The following ARHGEF10L variants were observed in gnomAD, a reference collection of about 807,000 sequenced individuals.
ARHGEF10L encodes Rho guanine nucleotide exchange factor 10 like, also known as rho guanine nucleotide exchange factor 10-like protein.
A neutral mutation model predicts 141.2 loss-of-function variants in ARHGEF10L; 69 were observed. The ratio of observed to expected loss-of-function variants is 0.49; its 90% CI spans 0.40 to 0.60. ARHGEF10L has a LOEUF of 0.60. ARHGEF10L is among the 20% of genes least tolerant of loss of function. ARHGEF10L has a pLI of 0.00. For missense variants in ARHGEF10L, 1,482 were observed against 1,734.3 expected, an observed-to-expected ratio of 0.85 and a Z score of 2.58; for synonymous variants, 711 against 718.5, an observed-to-expected ratio of 0.99 and a Z score of 0.17.
At position 17,621,208 on chromosome 1, in the gene ARHGEF10L, G is replaced by T. The variant is rs1448498671; in HGVS notation, c.943-656G>T. Among the ~76,000 whole-genome samples the T allele has an allele frequency of 3.3e-5, 5 of 152,132 alleles. No individual in the cohort carries two copies. The highest frequency in any genetic ancestry group is 9.7e-5 in the African/African-American group (4 of 41,432). ...CGCAAGTGAAGGGAGCTGAGATTCG[G>T]TTCATGCTAATGCTAAGACAGAATT... On this transcript the variant is annotated intron_variant, in intron 10 of 28. Coordinates refer to ENST00000361221, the MANE Select transcript of ARHGEF10L (RefSeq NM_018125.4). This position sits in a 1 kb window ranked among gnomAD's most constrained non-coding sequence, Gnocchi z 4.1.
the ARHGEF10L span, among the ~76,000 whole-genome samples, chr1:17,531,012 A>G: frequency 6.6e-6 from 1 of 152,080 alleles, no homozygotes; most frequent in Non-Finnish European, 1.5e-5. Context: ...CTCAAAAAAA[A>G]ATAAAAATAA....
At chr1:17,548,646 CTTTTTTTTT>C (rs892480738) in intron 1 of ARHGEF10L, among the ~76,000 whole-genome samples, 1 of 88,324 alleles carries the variant, frequency 1.1e-5, no homozygotes, top group African/African-American at 4.8e-5. Context: ...CAAAATAATT[CTTTTTTTTT>C]TTTTTTTTTT....
chr1:17,627,252 C>A lies in ARHGEF10L; in HGVS notation c.1411-78C>A. The A allele has an allele frequency of 6.5e-7, 1 of 1,550,256 alleles. No individual in the cohort carries two copies. Among genetic ancestry groups the A allele is most frequent in the East Asian group, 2.3e-5 (1 of 44,266 alleles). On this transcript the variant is annotated intron_variant, in intron 14 of 28. Transcript: ENST00000361221. The surrounding 1 kb of genome is among the most constrained non-coding windows in gnomAD (Gnocchi z 4.0). Reference sequence around the variant, plus strand: ...CAGACCCAGTGTGTGTAGGGGGTTGCGCAGGGTGAGGCTTTGCCCCAGGCT... The same window carrying A: ...CAGACCCAGTGTGTGTAGGGGGTTGAGCAGGGTGAGGCTTTGCCCCAGGCT...
At chr1:17,612,436 A>AT (rs2059596010) in intron 7 of ARHGEF10L, among the ~76,000 whole-genome samples, 1 of 151,834 alleles carries the variant, frequency 6.6e-6, no homozygotes, top group Admixed American at 6.5e-5. Context: ...TCATCCATCT[A>AT]TTTATCTGTG....
rs1256636189 is a variant in ARHGEF10L at position 17,586,367 on chromosome 1, G to A, written c.38-1093G>A. On this transcript the variant is annotated intron_variant, in intron 2 of 28. Coordinates refer to ENST00000361221, the MANE Select transcript of ARHGEF10L (RefSeq NM_018125.4). ...AGCTCATGCCTAAGCTGTGTGTCAT[G>A]TGCCCACGAGAGGGCTGCTTAGGGC... Among the ~76,000 whole-genome samples, 8 of 152,230 alleles carry A rather than the reference G, an allele frequency of 5.3e-5. No individual in the cohort carries two copies. In the East Asian group the frequency reaches 1.5e-3, roughly 29 times the overall value.
At chr1:17,520,353 C>T in the ARHGEF10L span, among the ~76,000 whole-genome samples, 1 of 152,234 alleles carries the variant, frequency 6.6e-6, no homozygotes, top group Non-Finnish European at 1.5e-5. Flanking sequence ...TGGGCTCCTG[C>T]CTGCTACTTC....
intron 26 of ARHGEF10L, among the ~76,000 whole-genome samples, chr1:17,670,188 T>C (rs2063232502): frequency 6.6e-6 from 1 of 152,266 alleles, no homozygotes; most frequent in South Asian, 2.1e-4. Flanking sequence ...GAGGCCCACA[T>C]GGCCTGGACT....
At chr1:17,641,167 C>T (rs990512895) in intron 21 of ARHGEF10L, among the ~76,000 whole-genome samples, 1 of 152,188 alleles carries the variant, frequency 6.6e-6, no homozygotes, top group African/African-American at 2.4e-5. Flanking sequence ...TTTACTTGTC[C>T]ATTTTTTGAG....
Position 17,677,065 on chromosome 1 carries a change from G to T in ARHGEF10L, c.3010-10508G>T, listed in dbSNP as rs941455482. On this transcript the variant is annotated intron_variant, in intron 26 of 28. Transcript: ENST00000361221. ...CCGGCAGGCATGGACGCTCCATGAG[G>T]TTTGCTGAGTGAGCTAGCAGGACCA... Among the ~76,000 whole-genome samples the T allele has an allele frequency of 1.2e-4, 18 of 152,092 alleles. 1 individual carries two copies. Among genetic ancestry groups the T allele is most frequent in the African/African-American group, 3.9e-4 (16 of 41,386 alleles).
rs2078113615 is a variant in ARHGEF10L at position 17,573,918 on chromosome 1, C to G, written c.-43-6635C>G. Among the ~76,000 whole-genome samples, 1 of 152,136 alleles carries G rather than the reference C, an allele frequency of 6.6e-6. No homozygotes were observed. Among genetic ancestry groups the G allele is most frequent in the Admixed American group, 6.5e-5 (1 of 15,278 alleles). Reference sequence around the variant, plus strand: ...AGCCATTGACCAAACTTGGCCCCTGCCCCAGTGAGGCAGGCCCCCTTCTCA... The same window carrying G: ...AGCCATTGACCAAACTTGGCCCCTGGCCCAGTGAGGCAGGCCCCCTTCTCA... On this transcript the variant is annotated intron_variant, in intron 1 of 28. Coordinates refer to ENST00000361221, the MANE Select transcript of ARHGEF10L (RefSeq NM_018125.4). This position sits in a 1 kb window ranked among gnomAD's most constrained non-coding sequence, Gnocchi z 4.8.
chr1:17,520,205 T>C, the ARHGEF10L span, among the ~76,000 whole-genome samples: 82 of 152,278 alleles, frequency 5.4e-4, no homozygotes, highest in African/African-American at 1.9e-3. Context: ...TCAGTCTAGC[T>C]TTTCCTCGTG....
chr1:17,668,503 G>A (rs2063120829), intron 26 of ARHGEF10L, among the ~76,000 whole-genome samples: 2 of 152,256 alleles, frequency 1.3e-5, no homozygotes, highest in South Asian at 4.1e-4. Context: ...TGGCCACCAG[G>A]CTACAGCACG....
rs1242600655 is a variant in ARHGEF10L, at chr1:17,654,639, G to A, written c.2398G>A (p.Gly800Arg). The change falls in exon 23 of 29, where the codon GGG (glycine) becomes AGG (arginine). Residue 800 changes from glycine to arginine, a missense_variant. Physicochemically the swap from Gly to Arg is moderately radical, Grantham distance 125. Coordinates refer to ENST00000361221, the MANE Select transcript of ARHGEF10L (RefSeq NM_018125.4). The surrounding 1 kb of genome is among the most constrained non-coding windows in gnomAD (Gnocchi z 4.3). Reference protein sequence around the residue: ...FSSRALSLQLGALVHSPVNCP... With the variant: ...FSSRALSLQLRALVHSPVNCP... ...TGTACCGTCTCTGTCTCTGCAGCTT[G>A]GGGCCCTGGTCCACAGTCCTGTCAA... The A allele has an allele frequency of 6.2e-7, 1 of 1,614,088 alleles. No homozygotes were observed. Among genetic ancestry groups the A allele is most frequent in the African/African-American group, 1.3e-5 (1 of 75,032 alleles).
chr1:17,588,420 G>A, intron 3 of ARHGEF10L, 26 bp from the exon 4 acceptor site: 3 of 1,613,780 alleles, frequency 1.9e-6, no homozygotes, highest in East Asian at 2.2e-5. Context: ...GGCCTGACAG[G>A]CTCTCTGTCT....
chr1:17,634,534 G>A lies in ARHGEF10L; in HGVS notation c.1731-14G>A. 6 of 1,614,084 alleles carry A rather than the reference G, an allele frequency of 3.7e-6. No individual in the cohort carries two copies. The highest frequency in any genetic ancestry group is 1.7e-4 in the Middle Eastern group (1 of 6,060). ...TAATAACAATCTCCCTTTCCTTCTT[G>A]TCTTTTTTCCCAGGCCTGCCAACCA... is the stretch of plus-strand genomic sequence containing the variant. On this transcript the variant is annotated splice_polypyrimidine_tract_variant and intron_variant, in intron 16 of 28. Transcript: ENST00000361221.
At chr1:17,550,179 G>T (rs1329822383) in intron 1 of ARHGEF10L, among the ~76,000 whole-genome samples, 1 of 152,236 alleles carries the variant, frequency 6.6e-6, no homozygotes, top group Non-Finnish European at 1.5e-5. Context: ...TTGTACACAG[G>T]GGTGAGGGAA....
intron 1 of ARHGEF10L, among the ~76,000 whole-genome samples, chr1:17,557,592 T>C (rs2077383834): frequency 6.6e-6 from 1 of 152,182 alleles, no homozygotes; most frequent in African/African-American, 2.4e-5. Flanking sequence ...AAGCAGCAGA[T>C]CTCGGCTGGG....
At position 17,539,708 on chromosome 1, in the gene ARHGEF10L, C is replaced by CA. The variant is rs2100579792; in HGVS notation, c.-286_-285insA. On this transcript the variant is annotated 5_prime_UTR_variant, in exon 1 of 29. Transcript: ENST00000361221. The surrounding 1 kb of genome is among the most constrained non-coding windows in gnomAD (Gnocchi z 6.0). ...GGCGGGGGCGGCGCCGCGTCGCGCA[C>CA]GGCGGCGGCGGCGGGACCAGGCCTC... The CA allele has an allele frequency of 6.9e-6, 1 of 144,858 alleles. No individual in the cohort carries two copies. The highest frequency in any genetic ancestry group is 2.0e-4 in the South Asian group (1 of 5,040). 9.0% of individuals were successfully genotyped at this position (144,858 alleles called of 1,614,324 possible).
chr1:17,691,082 G>A, intron 27 of ARHGEF10L: 1 of 453,700 alleles, frequency 2.2e-6, no homozygotes, highest in South Asian at 1.6e-5. Flanking sequence ...TGGTATTAAT[G>A]CATTTTTTAA....
Sources: allele counts gnomAD v4.1 joint callset (sites outside exome capture counted in the v4.1 genomes callset), GRCh38; gene constraint gnomAD v4.1.1; non-coding constraint Gnocchi (gnomAD v3.1); transcripts MANE v1.5; gene names NCBI Gene and HGNC (gene_info 2026-07-23, HGNC 2026-07-21).